The following CNTNAP4 variants were observed in gnomAD, a reference collection of about 807,000 sequenced individuals.
CNTNAP4 encodes the protein contactin-associated protein-like 4.
A neutral mutation model predicts 148.4 loss-of-function variants in CNTNAP4; 98 were observed. That is an observed-to-expected ratio of 0.66 (90% confidence interval 0.56 to 0.78). The LOEUF (loss-of-function observed/expected upper bound fraction) is 0.78. Among genes scored for constraint, CNTNAP4 ranks in the 30% least tolerant of loss-of-function variants. The probability of loss-of-function intolerance (pLI) is 0.00; values close to 1 mark genes in which losing one functional copy is unlikely to be tolerated. For synonymous variants in CNTNAP4, 730 were observed against 565.1 expected (o/e 1.29, Z -4.14); for missense variants, 1,935 against 1,565.6 (o/e 1.24, Z -3.98).
intron 1 of CNTNAP4, among the ~76,000 whole-genome samples, chr16:76,295,840 C>T (rs993693329): frequency 6.6e-6 from 1 of 152,058 alleles, no homozygotes; most frequent in Non-Finnish European, 1.5e-5. Flanking sequence ...TTTTTTGAAA[C>T]AGAGTCTTGC....
chr16:76,307,332 A>T (rs944859766), intron 1 of CNTNAP4, among the ~76,000 whole-genome samples: 40 of 151,696 alleles, frequency 2.6e-4, no homozygotes, highest in African/African-American at 9.7e-4. Flanking sequence ...CAACTACTAC[A>T]ATTTGTTCAC....
At chr16:76,338,186 G>A (rs543664587) in intron 2 of CNTNAP4, among the ~76,000 whole-genome samples, 3 of 152,276 alleles carry the variant, frequency 2.0e-5, no homozygotes, top group South Asian at 2.1e-4. Context: ...AGAGATTGCA[G>A]TAAGGACAGG....
chr16:76,490,316 T>C (rs1263221761), intron 13 of CNTNAP4, among the ~76,000 whole-genome samples: 1 of 152,210 alleles, frequency 6.6e-6, no homozygotes, highest in Non-Finnish European at 1.5e-5. Context: ...GTTGACAGCC[T>C]CTGGGTATAA....
At chr16:76,409,713 T>C (rs1052133301) in intron 3 of CNTNAP4, among the ~76,000 whole-genome samples, 28 of 152,030 alleles carry the variant, frequency 1.8e-4, no homozygotes, top group African/African-American at 6.5e-4. Flanking sequence ...TTTAAATAAT[T>C]ATTTGGCTTT....
chr16:76,436,641 T>C (rs1252465243), intron 4 of CNTNAP4, among the ~76,000 whole-genome samples: 3 of 152,144 alleles, frequency 2.0e-5, no homozygotes, highest in African/African-American at 7.2e-5. Flanking sequence ...CCAGCTTCAT[T>C]ATGTTCCTTG....
At chr16:76,464,537 T>C (rs564976634) in intron 9 of CNTNAP4, among the ~76,000 whole-genome samples, 3 of 152,324 alleles carry the variant, frequency 2.0e-5, no homozygotes, top group African/African-American at 7.2e-5. Context: ...GAAAGTGTTT[T>C]TTAGATAATT....
In CNTNAP4 at chr16:76,495,076, A is replaced by G. The variant is rs767610494; in HGVS notation, c.2237+10A>G. On this transcript the variant is annotated intron_variant, in intron 14 of 23. Coordinates refer to ENST00000611870, the MANE Select transcript of CNTNAP4 (RefSeq NM_033401.5). ...CTGACCGGAATGAATGGTGATTTCC[A>G]TATGATTTCTTTATGCAAGAAAAAG... The G allele has an allele frequency of 1.1e-5, 17 of 1,612,350 alleles. No individual in the cohort carries two copies. The highest frequency in any genetic ancestry group is 1.4e-5 in the Non-Finnish European group (17 of 1,178,956).
intron 21 of CNTNAP4, among the ~76,000 whole-genome samples, chr16:76,547,711 A>C (rs1384351638): frequency 3.3e-5 from 5 of 152,180 alleles, no homozygotes; most frequent in Admixed American, 1.3e-4. Context: ...TGGTGTATTT[A>C]GAGGCGATGA....
intron 1 of CNTNAP4, among the ~76,000 whole-genome samples, chr16:76,278,557 T>C (rs530530823): frequency 6.6e-6 from 1 of 152,352 alleles, no homozygotes; most frequent in African/African-American, 2.4e-5. Context: ...TTATTAGAGA[T>C]AGAAAAAGTT....
chr16:76,299,319 C>G (rs577784160), intron 1 of CNTNAP4, among the ~76,000 whole-genome samples: 1 of 152,218 alleles, frequency 6.6e-6, no homozygotes, highest in Admixed American at 6.5e-5. Context: ...ACAACCCCAT[C>G]AACAAATGGG....
At chr16:76,482,709 T>C (rs971420334) in intron 12 of CNTNAP4, among the ~76,000 whole-genome samples, 48 of 152,128 alleles carry the variant, frequency 3.2e-4, no homozygotes, top group African/African-American at 1.1e-3. Flanking sequence ...CCCAAACAAA[T>C]GGTGTTCCTG....
intron 10 of CNTNAP4, among the ~76,000 whole-genome samples, chr16:76,473,994 T>G (rs1019372481): frequency 3.3e-5 from 5 of 152,176 alleles, no homozygotes; most frequent in African/African-American, 1.2e-4. Flanking sequence ...AAGCTGTTGG[T>G]GCATGGTGCT....
chr16:76,311,705 CAAT>C (rs1353066431), intron 1 of CNTNAP4, among the ~76,000 whole-genome samples: 1 of 152,068 alleles, frequency 6.6e-6, no homozygotes, highest in Non-Finnish European at 1.5e-5. Context: ...TTGAAAGAAA[CAAT>C]GATGAACTCA....
chr16:76,383,478 A>AT (rs572115432), intron 3 of CNTNAP4, among the ~76,000 whole-genome samples: 112 of 150,540 alleles, frequency 7.4e-4, no homozygotes, highest in South Asian at 1.3e-3. Context: ...AAATGGGGCC[A>AT]TTTTTTTTTC....
intron 3 of CNTNAP4, among the ~76,000 whole-genome samples, chr16:76,398,828 A>T (rs12935820): frequency 6.6e-6 from 1 of 151,880 alleles, no homozygotes; most frequent in Admixed American, 6.6e-5. Context: ...ACATAGACAC[A>T]TATATTTGTA....
chr16:76,545,790 C>G (rs2084696243), intron 21 of CNTNAP4, among the ~76,000 whole-genome samples: 1 of 152,156 alleles, frequency 6.6e-6, no homozygotes, highest in Non-Finnish European at 1.5e-5. Flanking sequence ...GTAATCCTAG[C>G]ACTTTGGGAG....
At chr16:76,378,947 A>C (rs2015700152) in intron 3 of CNTNAP4, among the ~76,000 whole-genome samples, 4 of 152,162 alleles carry the variant, frequency 2.6e-5, no homozygotes. Flanking sequence ...TTCTATGGCC[A>C]CTTCTACAAC....
chr16:76,326,317 AGT>A (rs1567713640), intron 2 of CNTNAP4, among the ~76,000 whole-genome samples: 2 of 152,190 alleles, frequency 1.3e-5, no homozygotes, highest in Non-Finnish European at 2.9e-5. Flanking sequence ...GTGCTCTGAA[AGT>A]GTGGTGGGTG....
intron 2 of CNTNAP4, among the ~76,000 whole-genome samples, chr16:76,336,815 A>C (rs1252387490): frequency 6.6e-6 from 1 of 152,178 alleles, no homozygotes; most frequent in South Asian, 2.1e-4. Flanking sequence ...TTGCTTAAAG[A>C]AGGACATTTC....
Sources: allele counts gnomAD v4.1 joint callset (sites outside exome capture counted in the v4.1 genomes callset), GRCh38; gene constraint gnomAD v4.1.1; transcripts MANE v1.5; gene names NCBI Gene and HGNC (gene_info 2026-07-23, HGNC 2026-07-21).